Variants in GRIK2 observed in about 807,000 individuals in gnomAD.
GRIK2 encodes the protein glutamate receptor ionotropic, kainate 2.
GRIK2 carries 32 observed loss-of-function variants against 100.3 expected under a neutral mutation model. The ratio of observed to expected loss-of-function variants is 0.32; its 90% confidence interval spans 0.24 to 0.43. GRIK2 has a LOEUF of 0.43. GRIK2 is among the 20% of genes least tolerant of loss of function. The pLI is 1.00. For missense variants in GRIK2, 843 were observed against 1,114.9 expected, an observed-to-expected ratio of 0.76 and a Z score of 3.47; for synonymous variants, 417 against 389.4, an observed-to-expected ratio of 1.07 and a Z score of -0.83.
chr6:101,514,259 C>A lies in GRIK2; in HGVS notation c.116-107690C>A, dbSNP rs188144253. ...AAATTAACTCCAGATGAATCATAGACACAAGTGATATGGCTCCAACGATTG... is the reference window on the plus strand; with the variant it reads ...AAATTAACTCCAGATGAATCATAGAAACAAGTGATATGGCTCCAACGATTG... On this transcript the variant is annotated intron_variant, in intron 2 of 16. Transcript: ENST00000369134. 3.1e-3 allele frequency among the ~76,000 whole-genome samples: 469 copies of A among 151,900 alleles called. 2 individuals are homozygous for A. Among genetic ancestry groups the A allele is most frequent in the African/African-American group, 0.011 (455 of 41,240 alleles).
chr6:101,981,639 TTA>T (rs1234245710), intron 14 of GRIK2, among the ~76,000 whole-genome samples: 1 of 151,736 alleles, frequency 6.6e-6, no homozygotes, highest in Non-Finnish European at 1.5e-5. Context: ...AAAATGATGG[TTA>T]AATACAAAAT....
At chr6:102,028,301 T>C (rs1019139311) in intron 14 of GRIK2, among the ~76,000 whole-genome samples, 3 of 151,230 alleles carry the variant, frequency 2.0e-5, no homozygotes, top group African/African-American at 7.3e-5. Context: ...CATTATTTTG[T>C]TGATGTTTCA....
intron 7 of GRIK2, among the ~76,000 whole-genome samples, chr6:101,735,702 G>A (rs969683171): frequency 2.0e-5 from 3 of 152,140 alleles, no homozygotes; most frequent in Admixed American, 6.5e-5. Flanking sequence ...AATTATGAGA[G>A]CTATAAGATG....
At chr6:101,639,002 C>CA (rs892029044) in intron 4 of GRIK2, among the ~76,000 whole-genome samples, 7 of 151,962 alleles carry the variant, frequency 4.6e-5, no homozygotes, top group African/African-American at 1.4e-4. Context: ...AATACACAAA[C>CA]AAAAAATAGT....
At chr6:101,401,981 A>G (rs1428716570) in intron 2 of GRIK2, among the ~76,000 whole-genome samples, 1 of 151,898 alleles carries the variant, frequency 6.6e-6, no homozygotes, top group Non-Finnish European at 1.5e-5. Context: ...GCGCTATGGC[A>G]ACGGCGGAGC....
intron 10 of GRIK2, among the ~76,000 whole-genome samples, chr6:101,842,362 G>C (rs1783563778): frequency 6.6e-6 from 1 of 151,798 alleles, no homozygotes; most frequent in Non-Finnish European, 1.5e-5. Flanking sequence ...ACCTTTTTCT[G>C]GTGGTTTTTC....
chr6:101,620,886 G>A (rs1780124074), intron 2 of GRIK2, among the ~76,000 whole-genome samples: 1 of 152,140 alleles, frequency 6.6e-6, no homozygotes, highest in Admixed American at 6.6e-5. Flanking sequence ...AATGATATTA[G>A]AGAGAAGGAA....
intron 10 of GRIK2, among the ~76,000 whole-genome samples, chr6:101,850,242 A>G (rs1034563349): frequency 6.6e-6 from 1 of 151,980 alleles, no homozygotes; most frequent in Non-Finnish European, 1.5e-5. Context: ...GGAGTTTCAT[A>G]AGGGCAGGAA....
intron 15 of GRIK2, among the ~76,000 whole-genome samples, chr6:102,045,381 C>G (rs1399834686): frequency 6.6e-6 from 1 of 152,116 alleles, no homozygotes; most frequent in African/African-American, 2.4e-5. Flanking sequence ...TCTCTCTCTT[C>G]TCTTTCCATC....
chr6:102,038,741 T>TA (rs1400868456), intron 15 of GRIK2, among the ~76,000 whole-genome samples: 3 of 151,530 alleles, frequency 2.0e-5, no homozygotes, highest in African/African-American at 7.2e-5. Context: ...AGAATAGCTA[T>TA]ATTCAAAGCA....
intron 7 of GRIK2, among the ~76,000 whole-genome samples, chr6:101,794,630 AT>A (rs139387001): frequency 6.8e-5 from 10 of 146,272 alleles, no homozygotes; most frequent in East Asian, 2.0e-4. Context: ...TAATATCCTG[AT>A]TTTTTTTTCT....
chr6:101,665,592 T>C (rs1425297804), intron 4 of GRIK2, among the ~76,000 whole-genome samples: 1 of 152,230 alleles, frequency 6.6e-6, no homozygotes, highest in Non-Finnish European at 1.5e-5. Flanking sequence ...CACTAAGTTC[T>C]CTATATTTTA....
At chr6:101,719,902 T>G (rs1774355361) in intron 7 of GRIK2, among the ~76,000 whole-genome samples, 1 of 151,866 alleles carries the variant, frequency 6.6e-6, no homozygotes, top group Non-Finnish European at 1.5e-5. Context: ...ATTCTGAGAT[T>G]TTTTAGGTCA....
chr6:101,780,516 T>G (rs965369034), intron 7 of GRIK2, among the ~76,000 whole-genome samples: 1 of 152,198 alleles, frequency 6.6e-6, no homozygotes, highest in Admixed American at 6.5e-5. Flanking sequence ...AGATAATGCA[T>G]GTAAAGAAAT....
intron 4 of GRIK2, among the ~76,000 whole-genome samples, chr6:101,667,924 A>G (rs181121334): frequency 2.6e-3 from 397 of 152,244 alleles, no homozygotes; most frequent in Middle Eastern, 6.8e-3. Flanking sequence ...TTTAGCTACA[A>G]ATAATCAATT....
chr6:101,591,271 CA>C (rs1778626103), intron 2 of GRIK2, among the ~76,000 whole-genome samples: 2 of 151,188 alleles, frequency 1.3e-5, no homozygotes, highest in Admixed American at 1.3e-4. Flanking sequence ...CTATAATTTC[CA>C]CTTAGTATTT....
chr6:101,504,378 G>A (rs970562003), intron 2 of GRIK2, among the ~76,000 whole-genome samples: 2 of 151,852 alleles, frequency 1.3e-5, no homozygotes, highest in African/African-American at 4.8e-5. Context: ...GCCACAATAG[G>A]AAAGTCAGAA....
intron 2 of GRIK2, among the ~76,000 whole-genome samples, chr6:101,579,472 TTTTTTC>T (rs889755533): frequency 6.6e-6 from 1 of 151,132 alleles, no homozygotes; most frequent in South Asian, 2.1e-4. Flanking sequence ...GCTTTCTCTC[TTTTTTC>T]TTTTTCTTTC....
chr6:101,686,618 A>G (rs946205940), intron 7 of GRIK2, among the ~76,000 whole-genome samples: 3 of 152,158 alleles, frequency 2.0e-5, no homozygotes, highest in Non-Finnish European at 4.4e-5. Context: ...CTGTAAAGTT[A>G]ATTAGTGCCC....
Sources: gnomAD v4.1 joint callset for allele counts (sites outside exome capture counted in the v4.1 genomes callset) on GRCh38, gnomAD v4.1.1 for gene constraint, MANE v1.5 for transcripts, NCBI Gene and HGNC (gene_info 2026-07-23, HGNC 2026-07-21) for gene names.